The following ELOVL5 variants were observed in gnomAD, a reference collection of about 807,000 sequenced individuals.
ELOVL5 encodes very long chain fatty acid elongase 5.
Under a neutral mutation model 38.6 loss-of-function variants are expected in ELOVL5, and 8 were observed. The observed-to-expected ratio is 0.21, with a 90% CI of 0.12 to 0.37. The LOEUF is 0.37. ELOVL5 is among the 10% of genes least tolerant of loss of function. The pLI is 1.00. For synonymous variants in ELOVL5, 127 were observed against 133.7 expected, an observed-to-expected ratio of 0.95 and a Z score of 0.34; for missense variants, 280 against 367.8, an observed-to-expected ratio of 0.76 and a Z score of 1.95.
intron 1 of ELOVL5, among the ~76,000 whole-genome samples, chr6:53,344,173 T>C (rs1363517222): frequency 6.6e-6 from 1 of 152,156 alleles, no homozygotes. Context: ...AGAGGAGGAA[T>C]TGGAAGAAAC....
chr6:53,329,048 G>A (rs555400227), intron 1 of ELOVL5, among the ~76,000 whole-genome samples: 12 of 152,338 alleles, frequency 7.9e-5, no homozygotes, highest in African/African-American at 2.9e-4. Flanking sequence ...CATAGAGCCT[G>A]TGGCATAAAA....
At chr6:53,340,472 A>C (rs1769279641) in intron 1 of ELOVL5, among the ~76,000 whole-genome samples, 1 of 152,176 alleles carries the variant, frequency 6.6e-6, no homozygotes, top group South Asian at 2.1e-4. Context: ...CTAGGCCTTC[A>C]CATTCACTCC....
intron 1 of ELOVL5, among the ~76,000 whole-genome samples, chr6:53,296,596 T>TA (rs973119737): frequency 1.3e-5 from 2 of 152,188 alleles, no homozygotes; most frequent in Non-Finnish European, 2.9e-5. Context: ...AAAACACTAT[T>TA]ATATATAGAA....
At chr6:53,274,016 G>A (rs1766018057) in intron 5 of ELOVL5, among the ~76,000 whole-genome samples, 1 of 152,168 alleles carries the variant, frequency 6.6e-6, no homozygotes, top group Non-Finnish European at 1.5e-5. Context: ...TGCACAGCCT[G>A]GTGTTAGGGA....
At chr6:53,323,905 G>A (rs1418520256) in intron 1 of ELOVL5, among the ~76,000 whole-genome samples, 1 of 152,200 alleles carries the variant, frequency 6.6e-6, no homozygotes, top group Non-Finnish European at 1.5e-5. Context: ...GCCAGGATAA[G>A]TAACAAGCTT....
At chr6:53,341,301 T>G (rs1769314529) in intron 1 of ELOVL5, among the ~76,000 whole-genome samples, 1 of 152,246 alleles carries the variant, frequency 6.6e-6, no homozygotes, top group African/African-American at 2.4e-5. Flanking sequence ...GATTATACCG[T>G]CAGCCTCCCA....
intron 1 of ELOVL5, among the ~76,000 whole-genome samples, chr6:53,328,570 T>A (rs1304478069): frequency 6.6e-6 from 1 of 152,146 alleles, no homozygotes; most frequent in African/African-American, 2.4e-5. Context: ...GATGGAGATG[T>A]GGGACATGAT....
intron 3 of ELOVL5, among the ~76,000 whole-genome samples, chr6:53,284,029 G>A (rs1002760900): frequency 6.6e-6 from 1 of 151,506 alleles, no homozygotes; most frequent in Non-Finnish European, 1.5e-5. Flanking sequence ...AGTGAGGCCA[G>A]ATGTGGTGGC....
chr6:53,296,259 C>T (rs1767000850), intron 1 of ELOVL5, among the ~76,000 whole-genome samples: 1 of 152,010 alleles, frequency 6.6e-6, no homozygotes, highest in African/African-American at 2.4e-5. Context: ...AACCTCAATC[C>T]CCAAGCCACG....
rs115953222 is a variant in ELOVL5, at chr6:53,270,739, G to A, written c.622-12C>T. 6.5e-3 allele frequency: 10,519 copies of A among 1,614,128 alleles called. 62 individuals carry two copies. The highest frequency in any genetic ancestry group is 7.7e-3 in the Non-Finnish European group (9,099 of 1,179,994). On this transcript the variant is annotated splice_polypyrimidine_tract_variant and intron_variant, in intron 6 of 7. Coordinates refer to ENST00000304434, the MANE Select transcript of ELOVL5 (RefSeq NM_021814.5). ...AGCACAAACTGAAGCTAGGGGAACA[G>A]AGGGGATGCAGCTGAACAGGGACAG...
intron 3 of ELOVL5, among the ~76,000 whole-genome samples, chr6:53,280,550 G>C (rs921522822): frequency 1.3e-5 from 2 of 152,214 alleles, no homozygotes; most frequent in Non-Finnish European, 2.9e-5. Context: ...AGAAAAAAAT[G>C]TAGGTGAGTT....
chr6:53,348,802 A>T lies in ELOVL5; in HGVS notation c.-9+15T>A, dbSNP rs754880612. ...GGCGGCCCCCGACGAAGTTTCCCGG[A>T]GCTGACGGCTTTACCTTTTAGCCCA... On this transcript the variant is annotated intron_variant, in intron 1 of 7. Transcript: ENST00000304434. 2.2e-6 allele frequency: 1 copy of T among 454,428 alleles called. No homozygotes were observed. Among genetic ancestry groups the T allele is most frequent in the Middle Eastern group, 4.2e-4 (1 of 2,362 alleles). 28.1% of individuals were successfully genotyped at this position (454,428 alleles called of 1,614,324 possible). A position where few individuals can be genotyped will look rare whatever the true frequency, so the allele number is the denominator to read the frequency against.
chr6:53,335,656 C>T (rs1309707924), intron 1 of ELOVL5, among the ~76,000 whole-genome samples: 1 of 152,126 alleles, frequency 6.6e-6, no homozygotes, highest in Non-Finnish European at 1.5e-5. Context: ...CTGCTGGTCT[C>T]GTCTACCACC....
At chr6:53,305,361 G>A (rs1404371258) in intron 1 of ELOVL5, among the ~76,000 whole-genome samples, 3 of 115,148 alleles carry the variant, frequency 2.6e-5, no homozygotes, top group Admixed American at 7.3e-5. Flanking sequence ...GGACGGGGCG[G>A]CTGGCCTGGC....
chr6:53,305,233 G>T (rs540426070), intron 1 of ELOVL5, among the ~76,000 whole-genome samples: 3 of 146,206 alleles, frequency 2.1e-5, no homozygotes, highest in Non-Finnish European at 4.5e-5. Context: ...CGGACGGGGC[G>T]GCTGGCTGGG....
intron 1 of ELOVL5, among the ~76,000 whole-genome samples, chr6:53,319,005 C>T (rs965273815): frequency 1.4e-4 from 22 of 151,822 alleles, no homozygotes; most frequent in Admixed American, 1.2e-3. Flanking sequence ...ATCTGCAGGC[C>T]GGGTGCAGTG....
chr6:53,325,692 G>A (rs1266227704), intron 1 of ELOVL5, among the ~76,000 whole-genome samples: 1 of 152,202 alleles, frequency 6.6e-6, no homozygotes, highest in Non-Finnish European at 1.5e-5. Flanking sequence ...GTAGGTTTGG[G>A]CAGGCCAAGG....
chr6:53,305,305 C>G (rs1342807904), intron 1 of ELOVL5, among the ~76,000 whole-genome samples: 3 of 134,672 alleles, frequency 2.2e-5, no homozygotes, highest in East Asian at 2.4e-4. Flanking sequence ...ACCTCCCGGA[C>G]AGGGCGGCTG....
chr6:53,319,270 CAA>C (rs59435925), intron 1 of ELOVL5, among the ~76,000 whole-genome samples: 6 of 74,892 alleles, frequency 8.0e-5, no homozygotes, highest in Admixed American at 7.6e-4. Flanking sequence ...GACTCCATCT[CAA>C]AAAAAAAAAA....
Sources: gnomAD v4.1 joint callset for allele counts (sites outside exome capture counted in the v4.1 genomes callset) on GRCh38, gnomAD v4.1.1 for gene constraint, MANE v1.5 for transcripts, NCBI Gene and HGNC (gene_info 2026-07-23, HGNC 2026-07-21) for gene names.